Variants in KSR2 observed in about 807,000 individuals in gnomAD.
KSR2 encodes the protein kinase suppressor of ras 2.
In KSR2, 25 loss-of-function variants were observed where a neutral mutation model predicts 107.8. The ratio of observed to expected loss-of-function variants is 0.23; its 90% CI spans 0.17 to 0.32. The LOEUF is 0.32. Among genes scored for constraint, KSR2 ranks in the 10% least tolerant of loss-of-function variants. The pLI, the probability that KSR2 is intolerant of heterozygous loss-of-function variation, is 1.00. For missense variants in KSR2, 887 were observed against 1,268.9 expected, an observed-to-expected ratio of 0.70 and a Z score of 4.57; for synonymous variants, 480 against 507.0, an observed-to-expected ratio of 0.95 and a Z score of 0.71.
At chr12:117,626,703 T>G (rs1244912708) in intron 5 of KSR2, among the ~76,000 whole-genome samples, 1 of 152,224 alleles carries the variant, frequency 6.6e-6, no homozygotes, top group Non-Finnish European at 1.5e-5. Context: ...TGGAGAGTTA[T>G]GAAGATGTCT....
chr12:117,676,839 C>T (rs1237712571), intron 4 of KSR2, among the ~76,000 whole-genome samples: 1 of 152,168 alleles, frequency 6.6e-6, no homozygotes, highest in Admixed American at 6.5e-5. Context: ...CAAAAAAAGA[C>T]CTTTGTAAGA....
Position 117,809,460 on chromosome 12 carries a change from G to A in KSR2, c.472+45968C>T, listed in dbSNP as rs147292276. On this transcript the variant is annotated intron_variant, in intron 3 of 19. Transcript: ENST00000339824. ...CCTCCTGAGACTGCCAAATGTCCACGGGAGCAGAAGAGAGGGGTGCAAAAA... is the reference window on the plus strand; with the variant it reads ...CCTCCTGAGACTGCCAAATGTCCACAGGAGCAGAAGAGAGGGGTGCAAAAA... Among the ~76,000 whole-genome samples, 504 of 152,222 alleles carry A rather than the reference G, an allele frequency of 3.3e-3. 2 individuals carry two copies. The highest frequency in any genetic ancestry group is 0.011 in the African/African-American group (469 of 41,552).
Position 117,959,198 on chromosome 12 carries a change from C to T in KSR2, c.180+8878G>A, listed in dbSNP as rs114786708. Among the ~76,000 whole-genome samples, 398 of 152,242 alleles carry T rather than the reference C, an allele frequency of 2.6e-3. 3 individuals are homozygous for T. The highest frequency in any genetic ancestry group is 9.0e-3 in the African/African-American group (373 of 41,534). On this transcript the variant is annotated intron_variant, in intron 1 of 19. Transcript: ENST00000339824. ...ATGGTCTATTAAGTGAACTTCGTAT[C>T]TCCAGCCTTTCTCAGAGCTCCAAGC...
At chr12:117,742,194 C>T (rs140235867) in intron 4 of KSR2, among the ~76,000 whole-genome samples, 1 of 152,074 alleles carries the variant, frequency 6.6e-6, no homozygotes, top group African/African-American at 2.4e-5. Flanking sequence ...AAAGCAAGTC[C>T]CAGGAATTGT....
chr12:117,678,782 A>ACTGAATT (rs1885247908), intron 4 of KSR2, among the ~76,000 whole-genome samples: 1 of 152,168 alleles, frequency 6.6e-6, no homozygotes, highest in Non-Finnish European at 1.5e-5. Flanking sequence ...GGCAGCAGGG[A>ACTGAATT]CTGAATTCCA....
intron 4 of KSR2, among the ~76,000 whole-genome samples, chr12:117,687,724 T>C (rs1885635098): frequency 6.6e-6 from 1 of 152,100 alleles, no homozygotes; most frequent in Non-Finnish European, 1.5e-5. Context: ...TCAACTAGGG[T>C]ACACTGCCTT....
At chr12:117,680,401 A>G (rs1280569177) in intron 4 of KSR2, among the ~76,000 whole-genome samples, 3 of 152,172 alleles carry the variant, frequency 2.0e-5, no homozygotes, top group Non-Finnish European at 2.9e-5. Flanking sequence ...GCTAGTGGCT[A>G]CTGCACCGGA....
intron 17 of KSR2, among the ~76,000 whole-genome samples, chr12:117,474,806 T>C (rs1171658960): frequency 6.6e-6 from 1 of 152,140 alleles, no homozygotes; most frequent in Non-Finnish European, 1.5e-5. Flanking sequence ...GGCAGCTGTG[T>C]TTTGGTGGTT....
intron 15 of KSR2, 118 bp from the exon 16 acceptor site, chr12:117,484,667 A>C: frequency 1.0e-6 from 1 of 1,002,994 alleles, no homozygotes; most frequent in Non-Finnish European, 1.5e-6. Flanking sequence ...ACCACACTCA[A>C]CAGAGGCAGG....
chr12:117,718,585 G>A (rs1887087524), intron 4 of KSR2, among the ~76,000 whole-genome samples: 1 of 152,188 alleles, frequency 6.6e-6, no homozygotes, highest in Non-Finnish European at 1.5e-5. Context: ...CTCAGGGGCA[G>A]ATGGGGAAAC....
intron 3 of KSR2, among the ~76,000 whole-genome samples, chr12:117,804,452 A>T (rs979354379): frequency 4.6e-5 from 7 of 152,148 alleles, no homozygotes; most frequent in African/African-American, 1.7e-4. Context: ...CCTTTAAGAA[A>T]AAGTTAGCTC....
At chr12:117,547,123 C>G (rs1475295706) in intron 9 of KSR2, among the ~76,000 whole-genome samples, 1 of 152,160 alleles carries the variant, frequency 6.6e-6, no homozygotes, top group Admixed American at 6.5e-5. Flanking sequence ...ATTTAAACCT[C>G]TTGTTTTTGC....
intron 4 of KSR2, among the ~76,000 whole-genome samples, chr12:117,686,895 G>T (rs1221110790): frequency 6.6e-6 from 1 of 152,130 alleles, no homozygotes; most frequent in Non-Finnish European, 1.5e-5. Flanking sequence ...ACGCATCAGA[G>T]CCCGAGAGAC....
intron 3 of KSR2, among the ~76,000 whole-genome samples, chr12:117,826,144 A>ACAAT: frequency 6.6e-6 from 1 of 151,090 alleles, no homozygotes; most frequent in East Asian, 2.0e-4. Context: ...AGATGGAGGA[A>ACAAT]GAATGAATGA....
chr12:117,762,982 T>C (rs951081423), intron 3 of KSR2, among the ~76,000 whole-genome samples: 1 of 152,182 alleles, frequency 6.6e-6, no homozygotes, highest in African/African-American at 2.4e-5. Context: ...GTTGGTGTGC[T>C]GCACTCATTA....
intron 5 of KSR2, among the ~76,000 whole-genome samples, chr12:117,640,916 T>C (rs1424384252): frequency 6.6e-6 from 1 of 152,134 alleles, no homozygotes; most frequent in Non-Finnish European, 1.5e-5. Context: ...CCAGACTGAT[T>C]ATACAGTCAC....
chr12:117,627,931 CTTGCT>C (rs1208103604), intron 5 of KSR2, among the ~76,000 whole-genome samples: 2 of 152,096 alleles, frequency 1.3e-5, no homozygotes, highest in East Asian at 3.8e-4. Context: ...ACCTTGTTTT[CTTGCT>C]TTATTTCATT....
chr12:117,548,763 A>T (rs1448054165), intron 9 of KSR2, among the ~76,000 whole-genome samples: 1 of 152,214 alleles, frequency 6.6e-6, no homozygotes. Flanking sequence ...TCTTGGCAGC[A>T]AACCTGCAAG....
chr12:117,485,349 T>C (rs560236429), intron 15 of KSR2, among the ~76,000 whole-genome samples: 61 of 152,282 alleles, frequency 4.0e-4, no homozygotes, highest in Middle Eastern at 3.4e-3. Context: ...TAGGTCCAAG[T>C]ACCATAGTGA....
Sources: allele counts gnomAD v4.1 joint callset (sites outside exome capture counted in the v4.1 genomes callset), GRCh38; gene constraint gnomAD v4.1.1; transcripts MANE v1.5; gene names NCBI Gene and HGNC (gene_info 2026-07-23, HGNC 2026-07-21).